The following PIR variants were observed in gnomAD, a reference collection of about 807,000 sequenced individuals.
PIR encodes the protein pirin.
In PIR, 22 loss-of-function variants were observed where a neutral mutation model predicts 24.2. That is an observed-to-expected ratio of 0.91 (90% confidence interval 0.65 to 1.30). PIR has a LOEUF of 1.30. PIR is among the 50% of genes most tolerant of loss of function. PIR has a pLI of 0.00. For synonymous variants in PIR, 80 were observed against 79.6 expected, an observed-to-expected ratio of 1.00 and a Z score of -0.03; for missense variants, 220 against 220.3, an observed-to-expected ratio of 1.00 and a Z score of 0.01.
intron 6 of PIR, among the ~76,000 whole-genome samples, chrX:15,410,255 AAAAACAAAAC>A (rs371317022): frequency 4.5e-5 from 5 of 110,667 alleles, no homozygotes; most frequent in South Asian, 3.8e-4. Context: ...TGTCTCGGAA[AAAAACAAAAC>A]AAAACAAAAC....
At chrX:15,398,193 C>T (rs1333319681) in intron 7 of PIR, among the ~76,000 whole-genome samples, 3 of 110,929 alleles carry the variant, frequency 2.7e-5, no homozygotes, top group Non-Finnish European at 5.7e-5. Flanking sequence ...ACGTGTATAC[C>T]TATGTAACAA....
intron 6 of PIR, among the ~76,000 whole-genome samples, chrX:15,409,507 C>G (rs1924666814): frequency 9.0e-6 from 1 of 111,442 alleles, no homozygotes; most frequent in Admixed American, 9.6e-5. Flanking sequence ...CCGGGGTGTG[C>G]AAATTGTGCA....
chrX:15,391,589 G>A (rs1569191721), intron 8 of PIR, among the ~76,000 whole-genome samples: 2 of 111,893 alleles, frequency 1.8e-5, no homozygotes, highest in Non-Finnish European at 3.8e-5. Context: ...AGAAATGGGT[G>A]TTTGATTTGA....
chrX:15,490,691 G>A (rs776772241), intron 2 of PIR, among the ~76,000 whole-genome samples: 17 of 112,324 alleles, frequency 1.5e-4, no homozygotes, highest in African/African-American at 5.5e-4. Context: ...CAGTCTCTCA[G>A]TGAATCTAAA....
At chrX:15,411,385 C>T (rs970797153) in intron 6 of PIR, among the ~76,000 whole-genome samples, 4 of 111,851 alleles carry the variant, frequency 3.6e-5, no homozygotes, top group Admixed American at 9.5e-5. Flanking sequence ...TTCTTGCAAA[C>T]GTCCCTAGTG....
intron 2 of PIR, 49 bp downstream of exon 2, chrX:15,491,113 C>T: frequency 4.6e-6 from 4 of 869,946 alleles, no homozygotes; most frequent in Admixed American, 2.3e-5. Flanking sequence ...CAACATCCCA[C>T]CAGTCCCTTC....
At chrX:15,416,543 A>T (rs1185433788) in intron 6 of PIR, among the ~76,000 whole-genome samples, 1 of 111,937 alleles carries the variant, frequency 8.9e-6, no homozygotes, top group African/African-American at 3.2e-5. Context: ...TTCAACCAAG[A>T]TCATAAGTGT....
At chrX:15,485,652 A>G (rs1922768697) in intron 2 of PIR, among the ~76,000 whole-genome samples, 1 of 112,200 alleles carries the variant, frequency 8.9e-6, no homozygotes, top group South Asian at 3.7e-4. Flanking sequence ...AGTCAGAAGG[A>G]TGAATTGATT....
intron 7 of PIR, among the ~76,000 whole-genome samples, chrX:15,403,266 A>T (rs1167424495): frequency 8.9e-6 from 1 of 112,215 alleles, no homozygotes; most frequent in African/African-American, 3.3e-5. Flanking sequence ...ACTAAGCGTG[A>T]ATCATTAGTT....
Position 15,446,076 on chromosome X carries a change from G to A in PIR, c.480+9772C>T, listed in dbSNP as rs765835304. 1.8e-4 allele frequency among the ~76,000 whole-genome samples: 20 copies of A among 109,939 alleles called. No homozygotes were observed. The South Asian group carries it at 3.5e-3, about 19-fold the overall frequency. The stretch of plus-strand genomic sequence containing the variant: ...TATCTCTTGACCTCGTGATCCACCC[G>A]CCTCGGCCTCCCAAAATGCTGGGAT... On this transcript the variant is annotated intron_variant, in intron 5 of 9. Transcript: ENST00000380420.
At chrX:15,410,071 T>G (rs1924689120) in intron 6 of PIR, among the ~76,000 whole-genome samples, 1 of 110,683 alleles carries the variant, frequency 9.0e-6, no homozygotes, top group Admixed American at 9.6e-5. Context: ...GCCAACATGG[T>G]GAAACCCCGT....
chrX:15,411,438 T>C (rs934217110), intron 6 of PIR, among the ~76,000 whole-genome samples: 6 of 111,573 alleles, frequency 5.4e-5, no homozygotes, highest in African/African-American at 2.0e-4. Context: ...ACCCGGGTCA[T>C]TTTCCTTCTG....
At chrX:15,479,982 C>T in intron 2 of PIR, among the ~76,000 whole-genome samples, 161 bp from the exon 3 acceptor site, 1 of 111,706 alleles carries the variant, frequency 9.0e-6, no homozygotes, top group Non-Finnish European at 1.9e-5. Flanking sequence ...CTTATACACA[C>T]TGATATGGTT....
chrX:15,434,081 AGGAGAAAGGAGGAGGAG>A, intron 5 of PIR, among the ~76,000 whole-genome samples: 1 of 67,898 alleles, frequency 1.5e-5, no homozygotes, highest in African/African-American at 5.7e-5. Context: ...AGGAGGAGGA[AGGAGAAAGGAGGAGGAG>A]GGAGGAGAAA....
At chrX:15,400,678 T>A (rs887221007) in intron 7 of PIR, among the ~76,000 whole-genome samples, 7 of 110,987 alleles carry the variant, frequency 6.3e-5, no homozygotes, top group African/African-American at 2.0e-4. Flanking sequence ...CTCTTTGCAA[T>A]CTCAGTGTTG....
At chrX:15,485,956 T>C (rs895839604) in intron 2 of PIR, among the ~76,000 whole-genome samples, 1 of 111,802 alleles carries the variant, frequency 8.9e-6, no homozygotes, top group African/African-American at 3.3e-5. Flanking sequence ...GACAATCTTT[T>C]AACGTTTTTG....
rs200211782 is a variant in PIR, at chrX:15,465,023, GA to G, written c.190-5284del. 5.8e-3 allele frequency among the ~76,000 whole-genome samples: 651 copies of G among 111,701 alleles called. 7 individuals carry two copies. The highest frequency in any genetic ancestry group is 0.02 in the African/African-American group (627 of 30,612). On this transcript the variant is annotated intron_variant, in intron 3 of 9. Transcript: ENST00000380420. ...GATGAAAAATCTAAGTGGACATCAA[GA>G]TTTTTTTTTCCAAATTTGATTTTAG...
chrX:15,455,801 A>C (rs1473959217), intron 5 of PIR, 47 bp downstream of exon 5: 10 of 1,026,446 alleles, frequency 9.7e-6, no homozygotes, highest in Non-Finnish European at 1.4e-5. Flanking sequence ...GGCCAGCCTT[A>C]TGTCACTGCA....
chrX:15,391,135 C>T (rs1222911484), intron 8 of PIR, among the ~76,000 whole-genome samples: 1 of 111,792 alleles, frequency 8.9e-6, no homozygotes, highest in Non-Finnish European at 1.9e-5. Flanking sequence ...TATCAAGTGG[C>T]TATTAAAATT....
Sources: allele counts gnomAD v4.1 joint callset (sites outside exome capture counted in the v4.1 genomes callset), GRCh38; gene constraint gnomAD v4.1.1; transcripts MANE v1.5; gene names NCBI Gene and HGNC (gene_info 2026-07-23, HGNC 2026-07-21).